Variants in TRIM14 observed in about 807,000 individuals in gnomAD.
TRIM14 encodes tripartite motif containing 14.
TRIM14 carries 28 observed loss-of-function variants against 44.5 expected under a neutral mutation model. That is an observed-to-expected ratio of 0.63 (90% CI 0.47 to 0.86). The LOEUF (loss-of-function observed/expected upper bound fraction) is 0.86. Ranked by LOEUF, TRIM14 falls within the 40% of genes least tolerant of loss-of-function variation. TRIM14 has a pLI of 0.00. For missense variants in TRIM14, 607 were observed against 611.1 expected (o/e 0.99, Z 0.07); for synonymous variants, 299 against 269.2 (o/e 1.11, Z -1.08).
At chr9:98,062,251 A>C in the TRIM14 span, among the ~76,000 whole-genome samples, 2 of 151,200 alleles carry the variant, frequency 1.3e-5, no homozygotes, top group African/African-American at 4.9e-5. Flanking sequence ...ACAGTTCTGG[A>C]GTCCGCTCCT....
rs773012076 is a variant in TRIM14, at chr9:98,094,978, G to T, written c.589C>A (p.Leu197Met). The T allele has an allele frequency of 6.8e-6, 11 of 1,614,182 alleles. No individual in the cohort carries two copies. The South Asian group carries it at 1.1e-4, about 16-fold the overall frequency. ...AAGGAGAGGGGCACGGGATGGCACA[G>T]CTCCCCGAGGCTCATCTGCTGCTGC... ...EMQQQMSLGE[L>M]CHPVPLSFEP... is the part of the protein sequence containing the mutation. The change falls in exon 4 of 6, where the codon CTG (leucine) becomes ATG (methionine). Residue 197 changes from leucine (L) to methionine (M), a missense_variant. Leu to Met is a conservative substitution (Grantham distance 15, BLOSUM62 2). Transcript: ENST00000341469.
At chr9:98,092,619 A>G (rs539397173) in intron 4 of TRIM14, 3 of 215,690 alleles carry the variant, frequency 1.4e-5, no homozygotes, top group South Asian at 5.0e-5. Context: ...TCCTCCTTAC[A>G]TCTTTTAAGT....
At chr9:98,111,021 C>G (rs1826831134) in intron 1 of TRIM14, among the ~76,000 whole-genome samples, 1 of 150,998 alleles carries the variant, frequency 6.6e-6, no homozygotes. Flanking sequence ...CACTGCACTC[C>G]AGCCTGGGCA....
chr9:98,118,788 C>A (rs1235289734), intron 1 of TRIM14, among the ~76,000 whole-genome samples, 194 bp downstream of exon 1: 2 of 152,228 alleles, frequency 1.3e-5, no homozygotes, highest in African/African-American at 4.8e-5. Flanking sequence ...CTTTGGCTCG[C>A]CTTTGCCCTT....
intron 6 of TRIM14, among the ~76,000 whole-genome samples, chr9:98,070,232 T>C (rs988122121): frequency 6.6e-6 from 1 of 152,020 alleles, no homozygotes; most frequent in Non-Finnish European, 1.5e-5. Flanking sequence ...GTTCTCCTGC[T>C]TCAGCCTCCC....
At chr9:98,077,272 T>C (rs886488612) in intron 6 of TRIM14, among the ~76,000 whole-genome samples, 1 of 152,168 alleles carries the variant, frequency 6.6e-6, no homozygotes, top group East Asian at 1.9e-4. Flanking sequence ...CAGAAACCTC[T>C]TTTCAATCAG....
chr9:98,116,905 T>C (rs1827075106), intron 1 of TRIM14, among the ~76,000 whole-genome samples: 1 of 150,860 alleles, frequency 6.6e-6, no homozygotes, highest in African/African-American at 2.4e-5. Flanking sequence ...ATAATGCAAA[T>C]TATCAGGCCA....
At chr9:98,068,219 C>T (rs112698587), downstream of TRIM14, among the ~76,000 whole-genome samples, 312 of 152,312 alleles carry the variant, frequency 2.0e-3, no homozygotes, top group Non-Finnish European at 3.4e-3. Context: ...ACTACAACCT[C>T]CAACTCCCGG....
intron 5 of TRIM14, among the ~76,000 whole-genome samples, chr9:98,090,827 G>A (rs879536845): frequency 1.3e-5 from 2 of 152,188 alleles, no homozygotes; most frequent in Admixed American, 1.3e-4. Flanking sequence ...GGTTCCCAAA[G>A]TGCTGGGATT....
chr9:98,109,581 T>G (rs1354259993), intron 2 of TRIM14, among the ~76,000 whole-genome samples: 1 of 152,204 alleles, frequency 6.6e-6, no homozygotes, highest in East Asian at 1.9e-4. Flanking sequence ...TAAGGCAATT[T>G]GGGATAATGG....
At chr9:98,072,230 G>A (rs747778603) in intron 6 of TRIM14, among the ~76,000 whole-genome samples, 11 of 152,012 alleles carry the variant, frequency 7.2e-5, no homozygotes, top group African/African-American at 1.9e-4. Context: ...AGCTAAACCC[G>A]TGGGGTGCCA....
At chr9:98,047,347 TG>T in the TRIM14 span, among the ~76,000 whole-genome samples, 33 of 152,192 alleles carry the variant, frequency 2.2e-4, no homozygotes, top group Non-Finnish European at 4.4e-4. Flanking sequence ...TACCCAGTCC[TG>T]GGTGTGTCTT....
At chr9:98,047,547 A>G in the TRIM14 span, among the ~76,000 whole-genome samples, 1 of 152,146 alleles carries the variant, frequency 6.6e-6, no homozygotes, top group Non-Finnish European at 1.5e-5. Context: ...AATTGGAAGC[A>G]GTTAGAGCCC....
chr9:98,100,228 C>A, intron 2 of TRIM14, 64 bp from the exon 3 acceptor site: 2 of 1,461,668 alleles, frequency 1.4e-6, no homozygotes, highest in Admixed American at 1.7e-5. Context: ...GAATAATCAA[C>A]ATGAAAAAAA....
intron 6 of TRIM14, among the ~76,000 whole-genome samples, chr9:98,078,909 A>C (rs1002916118): frequency 6.6e-6 from 1 of 151,602 alleles, no homozygotes; most frequent in Non-Finnish European, 1.5e-5. Context: ...ATTGTGAATG[A>C]TGCTGCTATG....
At chr9:98,036,870 G>T in the TRIM14 span, among the ~76,000 whole-genome samples, 1 of 152,196 alleles carries the variant, frequency 6.6e-6, no homozygotes, top group Non-Finnish European at 1.5e-5. Flanking sequence ...GAGAGTCCAT[G>T]CCCTGATCCC....
chr9:98,110,937 C>T (rs1826826701), intron 1 of TRIM14, among the ~76,000 whole-genome samples: 3 of 151,084 alleles, frequency 2.0e-5, no homozygotes, highest in Admixed American at 6.6e-5. Context: ...GTCCTAACTA[C>T]TTGGGAGGCT....
the TRIM14 span, among the ~76,000 whole-genome samples, chr9:98,054,483 C>G: frequency 6.6e-6 from 1 of 152,096 alleles, no homozygotes; most frequent in Non-Finnish European, 1.5e-5. Flanking sequence ...GTTGGCAGCA[C>G]CTAGACTACT....
intron 6 of TRIM14, among the ~76,000 whole-genome samples, chr9:98,072,941 A>G (rs185305149): frequency 6.6e-5 from 10 of 152,318 alleles, no homozygotes; most frequent in Admixed American, 6.5e-4. Flanking sequence ...GTGTGGCAGA[A>G]TTTTATTAAG....
Sources: gnomAD v4.1 joint callset for allele counts (sites outside exome capture counted in the v4.1 genomes callset) on GRCh38, gnomAD v4.1.1 for gene constraint, MANE v1.5 for transcripts, NCBI Gene and HGNC (gene_info 2026-07-23, HGNC 2026-07-21) for gene names.